COL18A1: variants seen among roughly 807,000 people sequenced by gnomAD.
The protein encoded by COL18A1 is collagen type XVIII alpha 1 chain.
Under a neutral mutation model 168.0 loss-of-function variants are expected in COL18A1, and 133 were observed. The observed-to-expected ratio is 0.79, with a 90% CI of 0.69 to 0.91. The LOEUF (loss-of-function observed/expected upper bound fraction) is 0.91. Ranked by LOEUF, COL18A1 falls within the 40% of genes least tolerant of loss-of-function variation. The pLI is 0.00. For missense variants in COL18A1, 2,126 were observed against 1,925.4 expected (o/e 1.10, Z -1.95); for synonymous variants, 949 against 809.0 (o/e 1.17, Z -2.94).
intron 32 of COL18A1, among the ~76,000 whole-genome samples, chr21:45,501,730 CCCCAGGGG>C (rs2036847959): frequency 4.2e-4 from 55 of 129,628 alleles, no homozygotes; most frequent in Non-Finnish European, 4.9e-4. Flanking sequence ...GCAGAAGGAC[CCCCAGGGG>C]CTCCACAGCC....
Position 45,505,396 on chromosome 21 carries a change from C to A in COL18A1, c.3052C>A (p.Pro1018Thr). The A allele has an allele frequency of 1.3e-6, 2 of 1,583,520 alleles. No homozygotes were observed. Among genetic ancestry groups the A allele is most frequent in the Non-Finnish European group, 8.6e-7 (1 of 1,157,954 alleles). ...VPGPPGPPGPPGPPGTMGASS... is the reference protein window; with the variant it reads ...VPGPPGPPGPTGPPGTMGASS... ...CGGCCCTCCGGGCCCCCCTGGGCCCCCTGGGCCCCCTGGAACCATGGGCGC... is the reference window on the plus strand; with the variant it reads ...CGGCCCTCCGGGCCCCCCTGGGCCCACTGGGCCCCCTGGAACCATGGGCGC... The change falls in exon 36 of 42, where the codon CCT becomes ACT. Residue 1018 changes from proline (P) to threonine (T), a missense_variant. Physicochemically the swap from Pro to Thr is conservative, Grantham distance 38. Coordinates refer to ENST00000651438, the MANE Select transcript of COL18A1 (RefSeq NM_001379500.1).
At position 45,457,175 on chromosome 21, in the gene COL18A1, A is replaced by G. The variant is rs891124524; in HGVS notation, c.107-11067A>G. ...TTAGTCCTCAGCACGGTCCCGAGAT[A>G]CCCTGCCATGCCCCGAGTCACAGAG... On this transcript the variant is annotated intron_variant, in intron 2 of 41. Transcript: ENST00000651438. This position sits in a 1 kb window ranked among gnomAD's most constrained non-coding sequence, Gnocchi z 4.6. Among the ~76,000 whole-genome samples, 1 of 152,060 alleles carries G rather than the reference A, an allele frequency of 6.6e-6. No homozygotes were observed. Among genetic ancestry groups the G allele is most frequent in the Non-Finnish European group, 1.5e-5 (1 of 67,994 alleles).
rs1467649986 is a variant in COL18A1, at chr21:45,457,711, T to C, written c.107-10531T>C. On this transcript the variant is annotated intron_variant, in intron 2 of 41. Coordinates refer to ENST00000651438, the MANE Select transcript of COL18A1 (RefSeq NM_001379500.1). The surrounding 1 kb of genome is among the most constrained non-coding windows in gnomAD (Gnocchi z 4.6). Reference sequence around the variant, plus strand: ...TGCTTGCTATGTGCACCTGGCAGCCTTGGCCCAGAGGCCCTATCCCCGCAG... The same window carrying C: ...TGCTTGCTATGTGCACCTGGCAGCCCTGGCCCAGAGGCCCTATCCCCGCAG... Among the ~76,000 whole-genome samples the C allele has an allele frequency of 1.3e-5, 2 of 152,216 alleles. No individual in the cohort carries two copies. The highest frequency in any genetic ancestry group is 2.9e-5 in the Non-Finnish European group (2 of 68,036).
intron 38 of COL18A1, 146 bp downstream of exon 38, chr21:45,507,739 G>C: frequency 1.3e-6 from 1 of 779,998 alleles, no homozygotes; most frequent in Middle Eastern, 2.5e-4. Flanking sequence ...TGCAGAAACT[G>C]GTGCAGGACA....
In COL18A1 at chr21:45,490,974, C is replaced by T. The variant is rs1327938083; in HGVS notation, c.2067+103C>T. The T allele has an allele frequency of 3.4e-6, 4 of 1,159,946 alleles. No homozygotes were observed. In the South Asian group the frequency reaches 4.0e-5, roughly 12 times the overall value. 71.9% of individuals were successfully genotyped at this position (1,159,946 alleles called of 1,614,324 possible). A position where few individuals can be genotyped will look rare whatever the true frequency, so the allele number is the denominator to read the frequency against. ...GTCCGTGCCCCTGCTGCCCATGTGA[C>T]CTCAGAGACTCAGGGCAAAGACCCT... On this transcript the variant is annotated intron_variant, in intron 21 of 41. Transcript: ENST00000651438.
At position 45,482,955 on chromosome 21, in the gene COL18A1, C is replaced by T. The variant is rs1417819684; in HGVS notation, c.1701+134C>T. Reference sequence around the variant, plus strand: ...GGGCTGGCCTTGACCCCCACTCCTGCCATCTGTCCATCCGTCCTGCCGGAA... The same window carrying T: ...GGGCTGGCCTTGACCCCCACTCCTGTCATCTGTCCATCCGTCCTGCCGGAA... On this transcript the variant is annotated intron_variant, in intron 15 of 41. Transcript: ENST00000651438. 2.3e-6 allele frequency: 3 copies of T among 1,284,664 alleles called. No homozygotes were observed. The African/African-American group carries it at 4.4e-5, about 19-fold the overall frequency. 79.6% of individuals were successfully genotyped at this position (1,284,664 alleles called of 1,614,324 possible). A position where few individuals can be genotyped will look rare whatever the true frequency, so the allele number is the denominator to read the frequency against.
intron 2 of COL18A1, among the ~76,000 whole-genome samples, chr21:45,452,652 G>GTGTA (rs1172434237): frequency 6.6e-6 from 1 of 152,002 alleles, no homozygotes; most frequent in Non-Finnish European, 1.5e-5. Flanking sequence ...GTGTGAGCTT[G>GTGTA]TGTATGCATG....
chr21:45,445,496 A>G (rs939931809), intron 2 of COL18A1, among the ~76,000 whole-genome samples: 10 of 152,160 alleles, frequency 6.6e-5, no homozygotes, highest in African/African-American at 1.9e-4. Flanking sequence ...CACTGGGACT[A>G]TGGTAACTGT....
intron 32 of COL18A1, chr21:45,502,746 C>G (rs1022044972): frequency 8.5e-5 from 13 of 152,146 alleles, no homozygotes; most frequent in Non-Finnish European, 1.6e-4. Flanking sequence ...GTGGAGGGAC[C>G]CTCAAGTCAG....
intron 2 of COL18A1, among the ~76,000 whole-genome samples, chr21:45,411,544 G>A (rs2033288806): frequency 6.8e-6 from 1 of 147,566 alleles, no homozygotes; most frequent in Non-Finnish European, 1.5e-5. Flanking sequence ...CCCGGAGTAA[G>A]CCTCAGACGC....
intron 22 of COL18A1, 99 bp downstream of exon 22, chr21:45,491,413 G>A (rs1198155738): frequency 4.4e-6 from 3 of 674,390 alleles, no homozygotes; most frequent in East Asian, 2.9e-5. Context: ...CATCCCCCAG[G>A]TCAGGACAGG....
chr21:45,468,787 G>A lies in COL18A1; in HGVS notation c.651+1G>A, dbSNP rs960350711. On this transcript the variant is annotated splice_donor_variant, in intron 3 of 41. Transcript: ENST00000651438. LOFTEE classifies it high-confidence loss of function. ...GGGAGCGGACCCTGACAAGTTCCAGGTAACCCCCACTGTGCCGTCGCTGGG... is the reference window on the plus strand; with the variant it reads ...GGGAGCGGACCCTGACAAGTTCCAGATAACCCCCACTGTGCCGTCGCTGGG... The A allele has an allele frequency of 6.4e-7, 1 of 1,554,986 alleles. No individual in the cohort carries two copies. Among genetic ancestry groups the A allele is most frequent in the Non-Finnish European group, 8.7e-7 (1 of 1,152,566 alleles).
At chr21:45,504,710 G>A (rs575547827) in intron 34 of COL18A1, among the ~76,000 whole-genome samples, 154 bp downstream of exon 34, 40 of 152,148 alleles carry the variant, frequency 2.6e-4, no homozygotes, top group Middle Eastern at 3.4e-3. Context: ...GTGTGGGGAC[G>A]CAGCAGGCCA....
intron 38 of COL18A1, 119 bp from the exon 39 acceptor site, chr21:45,509,237 G>T: frequency 7.3e-7 from 1 of 1,375,218 alleles, no homozygotes; most frequent in Non-Finnish European, 9.8e-7. Context: ...CGGGGGCGCA[G>T]CTCCCTGCTT....
At chr21:45,505,467 C>G in intron 36 of COL18A1, 36 bp downstream of exon 36, 1 of 1,138,774 alleles carries the variant, frequency 8.8e-7, no homozygotes, top group Non-Finnish European at 1.3e-6. Context: ...CACCTGCGTC[C>G]CGTGCCCTGG....
intron 2 of COL18A1, chr21:45,421,671 T>G: frequency 2.0e-6 from 1 of 490,044 alleles, no homozygotes; most frequent in South Asian, 1.5e-5. Flanking sequence ...GGAAGGAAGC[T>G]CACACTGTTT....
chr21:45,436,760 G>T (rs566887906), intron 2 of COL18A1, among the ~76,000 whole-genome samples: 1 of 152,080 alleles, frequency 6.6e-6, no homozygotes, highest in South Asian at 2.1e-4. Flanking sequence ...GGTCCCTGAT[G>T]GGAGGGAGAT....
intron 2 of COL18A1, among the ~76,000 whole-genome samples, chr21:45,429,067 A>T (rs2033885054): frequency 6.6e-6 from 1 of 151,384 alleles, no homozygotes; most frequent in Non-Finnish European, 1.5e-5. Context: ...CACCCGGCCA[A>T]TTTTTTTGTA....
rs369391808 is a variant in COL18A1, at chr21:45,478,324, C to T, written c.1222-3C>T. ...TCACTAATGGCTTCTCTTGCACACC[C>T]AGGGCGACCCCGGTGAAGACGGAAA... On this transcript the variant is annotated splice_polypyrimidine_tract_variant and splice_region_variant and intron_variant, in intron 8 of 41. Transcript: ENST00000651438. The T allele has an allele frequency of 2.5e-6, 4 of 1,613,762 alleles. No homozygotes were observed. In the African/African-American group the frequency reaches 5.3e-5, roughly 22 times the overall value.
Sources: gnomAD v4.1 joint callset for allele counts (sites outside exome capture counted in the v4.1 genomes callset) on GRCh38, gnomAD v4.1.1 for gene constraint, Gnocchi (gnomAD v3.1) non-coding constraint, MANE v1.5 for transcripts, NCBI Gene and HGNC (gene_info 2026-07-23, HGNC 2026-07-21) for gene names.